RANBP2: variants seen among roughly 807,000 people sequenced by gnomAD.
RANBP2 encodes E3 SUMO-protein ligase RanBP2.
In RANBP2, 57 loss-of-function variants were observed where a neutral mutation model predicts 303.6. The ratio of observed to expected loss-of-function variants is 0.19; its 90% CI spans 0.15 to 0.23. The LOEUF (loss-of-function observed/expected upper bound fraction) is 0.23, where lower values mean the gene tolerates loss of function less well. RANBP2 is among the 10% of genes least tolerant of loss of function. The probability of loss-of-function intolerance (pLI) is 1.00; values close to 1 mark genes in which losing one functional copy is unlikely to be tolerated. For missense variants in RANBP2, 3,138 were observed against 3,780.8 expected, an observed-to-expected ratio of 0.83 and a Z score of 4.46; for synonymous variants, 1,167 against 1,301.5, an observed-to-expected ratio of 0.90 and a Z score of 2.23.
the RANBP2 span, among the ~76,000 whole-genome samples, chr2:109,255,942 T>G: frequency 6.6e-6 from 1 of 152,196 alleles, no homozygotes; most frequent in African/African-American, 2.4e-5. Context: ...GAAGAGGAAG[T>G]GTTTTCTTGC....
the RANBP2 span, among the ~76,000 whole-genome samples, chr2:109,163,923 G>T: frequency 6.6e-6 from 1 of 152,164 alleles, no homozygotes; most frequent in Non-Finnish European, 1.5e-5. Flanking sequence ...AGATGGGCTA[G>T]GACTGGTTTC....
the RANBP2 span, among the ~76,000 whole-genome samples, chr2:109,345,175 C>A: frequency 6.6e-6 from 1 of 152,296 alleles, no homozygotes; most frequent in East Asian, 1.9e-4. Flanking sequence ...TGGCTCTGCA[C>A]CCCAGCTTTA....
chr2:109,608,652 A>G, the RANBP2 span, among the ~76,000 whole-genome samples: 2 of 152,224 alleles, frequency 1.3e-5, no homozygotes, highest in East Asian at 3.8e-4. Context: ...AAGCTATTAA[A>G]TCATATTTGT....
the RANBP2 span, among the ~76,000 whole-genome samples, chr2:108,814,760 C>T: frequency 4.6e-4 from 70 of 150,948 alleles, no homozygotes; most frequent in African/African-American, 1.6e-3. Flanking sequence ...TCAAGCCTCC[C>T]GAAGAGATGG....
At chr2:108,930,955 A>G in the RANBP2 span, 1 of 1,613,606 alleles carries the variant, frequency 6.2e-7, no homozygotes, top group Admixed American at 1.7e-5. Context: ...AGGGGCTCAG[A>G]CCACTTACCA....
the RANBP2 span, chr2:109,501,463 A>G: frequency 1.3e-6 from 1 of 754,616 alleles, no homozygotes; most frequent in Non-Finnish European, 2.5e-6. Flanking sequence ...GCAGATGGAG[A>G]TTGTCTGTGT....
At chr2:108,744,843 T>C (rs79988918) in intron 7 of RANBP2, among the ~76,000 whole-genome samples, 1 of 152,256 alleles carries the variant, frequency 6.6e-6, no homozygotes, top group African/African-American at 2.4e-5. Flanking sequence ...GAAACTAATG[T>C]TATTGCTTTC....
At chr2:108,931,062 T>C in the RANBP2 span, 1 of 1,596,502 alleles carries the variant, frequency 6.3e-7, no homozygotes, top group Non-Finnish European at 8.6e-7. Context: ...AGCTGGGCAC[T>C]GGCGGTAGCA....
the RANBP2 span, among the ~76,000 whole-genome samples, chr2:109,403,311 G>A: frequency 1.3e-5 from 2 of 152,170 alleles, no homozygotes; most frequent in African/African-American, 2.4e-5. Flanking sequence ...TTCTTCTGCT[G>A]ATCTCACCTC....
chr2:109,614,717 C>T, the RANBP2 span: 2 of 1,488,848 alleles, frequency 1.3e-6, no homozygotes, highest in Admixed American at 4.5e-5. Flanking sequence ...GCGCCAAGTA[C>T]GTGCACCTCA....
chr2:109,288,971 T>C, the RANBP2 span, among the ~76,000 whole-genome samples: 1 of 152,210 alleles, frequency 6.6e-6, no homozygotes, highest in Non-Finnish European at 1.5e-5. Flanking sequence ...ATTTGTGGGC[T>C]TATCAAGGAC....
At chr2:109,537,382 G>C in the RANBP2 span, among the ~76,000 whole-genome samples, 4 of 152,086 alleles carry the variant, frequency 2.6e-5, no homozygotes, top group East Asian at 7.7e-4. Context: ...TAGCATTTCT[G>C]GAATAAACCA....
At chr2:109,324,131 G>A in the RANBP2 span, among the ~76,000 whole-genome samples, 1 of 152,194 alleles carries the variant, frequency 6.6e-6, no homozygotes, top group Non-Finnish European at 1.5e-5. Context: ...GTTGTAGCAT[G>A]TTTCACTACT....
chr2:108,742,877 C>T (rs1696223469), intron 7 of RANBP2, among the ~76,000 whole-genome samples: 1 of 152,146 alleles, frequency 6.6e-6, no homozygotes, highest in African/African-American at 2.4e-5. Flanking sequence ...CAAGCTCCAC[C>T]TCCTGGGTTC....
chr2:109,567,662 A>G, the RANBP2 span, among the ~76,000 whole-genome samples: 5 of 152,236 alleles, frequency 3.3e-5, no homozygotes, highest in Non-Finnish European at 5.9e-5. Flanking sequence ...TTAAAAAACT[A>G]AACATTTTCT....
chr2:109,067,688 G>A, the RANBP2 span, among the ~76,000 whole-genome samples: 6 of 152,182 alleles, frequency 3.9e-5, no homozygotes, highest in Non-Finnish European at 8.8e-5. Flanking sequence ...CCCGGACTCT[G>A]CCCCTGCTCC....
At chr2:109,049,440 C>T in the RANBP2 span, among the ~76,000 whole-genome samples, 3 of 152,142 alleles carry the variant, frequency 2.0e-5, no homozygotes, top group Admixed American at 6.5e-5. Context: ...GCATTTACGG[C>T]GAGCACTTCT....
chr2:109,310,014 C>G, the RANBP2 span, among the ~76,000 whole-genome samples: 1 of 124,378 alleles, frequency 8.0e-6, no homozygotes, highest in Non-Finnish European at 1.6e-5. Flanking sequence ...ACAGAACTCT[C>G]CACCCCAAAT....
chr2:108,969,903 G>C, the RANBP2 span, among the ~76,000 whole-genome samples: 159 of 152,328 alleles, frequency 1.0e-3, 5 homozygotes, highest in South Asian at 0.032. Flanking sequence ...AAGGCTTCAG[G>C]AGAATCCAGA....
Sources: allele counts gnomAD v4.1 joint callset (sites outside exome capture counted in the v4.1 genomes callset), GRCh38; gene constraint gnomAD v4.1.1; transcripts MANE v1.5; gene names NCBI Gene and HGNC (gene_info 2026-07-23, HGNC 2026-07-21).